The following LCORL variants were observed in gnomAD, a reference collection of about 807,000 sequenced individuals.
LCORL encodes ligand dependent nuclear receptor corepressor like, also known as ligand-dependent nuclear receptor corepressor-like protein.
In LCORL, 41 loss-of-function variants were observed where a neutral mutation model predicts 141.8. That is an observed-to-expected ratio of 0.29 (90% CI 0.23 to 0.38). The LOEUF is 0.38. Ranked by LOEUF, LCORL falls within the 10% of genes least tolerant of loss-of-function variation. The probability of loss-of-function intolerance (pLI) is 1.00; values close to 1 mark genes in which losing one functional copy is unlikely to be tolerated. For missense variants in LCORL, 1,759 were observed against 2,035.0 expected (o/e 0.86, Z 2.61); for synonymous variants, 618 against 694.1 (o/e 0.89, Z 1.72).
At chr4:17,937,164 T>G (rs1209359413) in intron 4 of LCORL, among the ~76,000 whole-genome samples, 1 of 152,204 alleles carries the variant, frequency 6.6e-6, no homozygotes, top group Non-Finnish European at 1.5e-5. Context: ...AAAATAACAC[T>G]GCTCTGGGTT....
rs546577628 is a variant in LCORL at position 17,929,151 on chromosome 4, A to G, written c.431-19806T>C. 1.5e-4 allele frequency among the ~76,000 whole-genome samples: 23 copies of G among 152,302 alleles called. 1 individual carries two copies. In the South Asian group the frequency reaches 4.8e-3, roughly 32 times the overall value. On this transcript the variant is annotated intron_variant, in intron 4 of 7. Transcript: ENST00000635767. ...AATAAAGACTTAAAATAATAGGAAC[A>G]TGTCCTCTGTTCACAGATTGAAGAA...
At chr4:17,943,306 A>G (rs935490187) in intron 4 of LCORL, among the ~76,000 whole-genome samples, 1 of 152,212 alleles carries the variant, frequency 6.6e-6, no homozygotes, top group Admixed American at 6.5e-5. Flanking sequence ...CAGTAAGGTA[A>G]CTCAGTGAGT....
At chr4:17,952,648 C>T (rs1443363664) in intron 4 of LCORL, among the ~76,000 whole-genome samples, 2 of 152,138 alleles carry the variant, frequency 1.3e-5, no homozygotes, top group African/African-American at 4.8e-5. Context: ...ATCTCCTGAC[C>T]TCGTGATCCG....
intron 7 of LCORL, among the ~76,000 whole-genome samples, chr4:17,864,867 T>C (rs1462976439): frequency 6.6e-6 from 1 of 152,168 alleles, no homozygotes; most frequent in Non-Finnish European, 1.5e-5. Context: ...ATCAGATAAA[T>C]TAGATTTCAG....
intron 5 of LCORL, among the ~76,000 whole-genome samples, chr4:17,886,480 A>G (rs765960009): frequency 3.9e-5 from 6 of 152,034 alleles, no homozygotes; most frequent in Non-Finnish European, 8.8e-5. Context: ...CTCATTCATG[A>G]CTGTTTTCCA....
chr4:17,843,725 G>GTCA (rs979083488), exon 8 of LCORL: 1 of 183,818 alleles, frequency 5.4e-6, no homozygotes, highest in African/African-American at 2.3e-5. Context: ...TTAAAATCAT[G>GTCA]TCATTATGGA....
chr4:17,929,513 G>C (rs993810291), intron 4 of LCORL, among the ~76,000 whole-genome samples: 1 of 152,082 alleles, frequency 6.6e-6, no homozygotes. Flanking sequence ...AATTCAATGG[G>C]TGAAAGAATA....
At chr4:17,842,702 A>ACTT (rs1283264116) in exon 8 of LCORL, 2 of 236,102 alleles carry the variant, frequency 8.5e-6, no homozygotes, top group East Asian at 2.0e-4. Context: ...GGTTCTCTAC[A>ACTT]CTTACATACT....
At chr4:17,896,714 C>T (rs962443913) in intron 5 of LCORL, among the ~76,000 whole-genome samples, 5 of 152,162 alleles carry the variant, frequency 3.3e-5, no homozygotes, top group African/African-American at 1.2e-4. Context: ...AGCATTTATC[C>T]TTTGTGTTGC....
intron 2 of LCORL, among the ~76,000 whole-genome samples, chr4:17,969,759 T>C (rs1715585815): frequency 6.6e-6 from 1 of 152,136 alleles, no homozygotes; most frequent in African/African-American, 2.4e-5. Flanking sequence ...AAACTAAAAT[T>C]AGCATTGCTT....
At chr4:17,935,344 A>G (rs1447859342) in intron 4 of LCORL, among the ~76,000 whole-genome samples, 1 of 152,212 alleles carries the variant, frequency 6.6e-6, no homozygotes. Flanking sequence ...TTCCATGAAA[A>G]AAAATACTAC....
At chr4:17,948,891 AAG>A (rs71651868) in intron 4 of LCORL, among the ~76,000 whole-genome samples, 19,199 of 151,992 alleles carry the variant, frequency 0.13, 1,337 homozygotes, top group South Asian at 0.26. Context: ...AGCCAAAGGA[AAG>A]AGAGTTTCCA....
rs977834834 is a variant in LCORL at position 17,880,722 on chromosome 4, C to T, written c.777-2509G>A. On this transcript the variant is annotated intron_variant, in intron 6 of 7. Transcript: ENST00000635767. ...TACTACAAATTACAACCTAGAAACA[C>T]GTTAACTGAACAATTAAAATTCATA... 2.3e-5 allele frequency: 22 copies of T among 970,888 alleles called. No homozygotes were observed. In the South Asian group the frequency reaches 5.2e-4, roughly 23 times the overall value. The allele number at this position is 970,888 out of a possible 1,614,324, so 60.1% of individuals were successfully genotyped here.
chr4:17,868,323 T>C (rs1032586676), intron 7 of LCORL, among the ~76,000 whole-genome samples: 1 of 152,136 alleles, frequency 6.6e-6, no homozygotes, highest in Non-Finnish European at 1.5e-5. Context: ...CTTTTTTTTT[T>C]CAGTCATCTC....
At chr4:17,873,865 G>T in exon 7 of LCORL, 5 of 1,233,894 alleles carry the variant, frequency 4.1e-6, no homozygotes, top group Non-Finnish European at 5.1e-6. Flanking sequence ...TCTAGTCTTG[G>T]TCCCTTTTGA....
At chr4:17,841,636 C>T (rs539991006) in exon 8 of LCORL, 3 of 151,934 alleles carry the variant, frequency 2.0e-5, no homozygotes, top group African/African-American at 7.2e-5. Flanking sequence ...AGAACACCAT[C>T]CTTTTTAATA....
At chr4:17,874,025 T>C (rs1299871038) in exon 7 of LCORL, 110 of 1,234,220 alleles carry the variant, frequency 8.9e-5, no homozygotes, top group Non-Finnish European at 1.1e-4. Context: ...GATTATCTAC[T>C]ATGCTTTTTC....
intron 6 of LCORL, among the ~76,000 whole-genome samples, chr4:17,885,512 A>C (rs1311991015): frequency 2.0e-5 from 3 of 151,824 alleles, no homozygotes; most frequent in Non-Finnish European, 4.4e-5. Flanking sequence ...AGTTGTAAAA[A>C]AAAATCCAAA....
At chr4:17,993,032 A>G (rs1720294038) in intron 1 of LCORL, among the ~76,000 whole-genome samples, 1 of 152,292 alleles carries the variant, frequency 6.6e-6, no homozygotes, top group Non-Finnish European at 1.5e-5. Context: ...TAGGCAAAAC[A>G]AGGAACGGCA....
Sources: allele counts gnomAD v4.1 joint callset (sites outside exome capture counted in the v4.1 genomes callset), GRCh38; gene constraint gnomAD v4.1.1; transcripts MANE v1.5; gene names NCBI Gene and HGNC (gene_info 2026-07-23, HGNC 2026-07-21).